The following PDE1C variants were observed in gnomAD, a reference collection of about 807,000 sequenced individuals.
PDE1C encodes the protein phosphodiesterase 1C.
A neutral mutation model predicts 93.1 loss-of-function variants in PDE1C; 62 were observed. The ratio of observed to expected loss-of-function variants is 0.67; its 90% confidence interval spans 0.54 to 0.82. The LOEUF is 0.82. PDE1C is among the 40% of genes least tolerant of loss of function. The pLI is 0.00. For synonymous variants in PDE1C, 325 were observed against 310.1 expected, an observed-to-expected ratio of 1.05 and a Z score of -0.50; for missense variants, 742 against 884.6, an observed-to-expected ratio of 0.84 and a Z score of 2.04.
chr7:31,961,181 C>A (rs1808884837), intron 2 of PDE1C, among the ~76,000 whole-genome samples: 1 of 151,820 alleles, frequency 6.6e-6, no homozygotes, highest in Non-Finnish European at 1.5e-5. Context: ...AAAGAAAAAT[C>A]TTCCAGTAGA....
intron 1 of PDE1C, among the ~76,000 whole-genome samples, chr7:32,395,009 G>A (rs1784817079): frequency 6.6e-6 from 1 of 152,118 alleles, no homozygotes; most frequent in South Asian, 2.1e-4. Flanking sequence ...AGAGTTGTGA[G>A]CCAGATAAAC....
chr7:32,344,223 G>A (rs1783809535), intron 1 of PDE1C, among the ~76,000 whole-genome samples: 1 of 152,082 alleles, frequency 6.6e-6, no homozygotes, highest in Non-Finnish European at 1.5e-5. Context: ...ACAGGCATGT[G>A]CTACCACACC....
chr7:32,201,932 T>C (rs1419425364), intron 2 of PDE1C, among the ~76,000 whole-genome samples: 1 of 152,164 alleles, frequency 6.6e-6, no homozygotes, highest in Non-Finnish European at 1.5e-5. Flanking sequence ...TCGTAGCACA[T>C]CTGAGACTAT....
chr7:31,803,470 T>C lies in PDE1C; in HGVS notation c.1891+5561A>G, dbSNP rs146955724. ...GCACAACGTGCAGGTTTGTTACATA[T>C]GTATACCTGTGCCATGTTGGTGTGC... is the stretch of plus-strand genomic sequence containing the variant. On this transcript the variant is annotated intron_variant, in intron 16 of 17. Coordinates refer to ENST00000396191, the MANE Select transcript of PDE1C (RefSeq NM_001191057.4). Among the ~76,000 whole-genome samples, 133 of 151,950 alleles carry C rather than the reference T, an allele frequency of 8.8e-4. 1 individual carries two copies. The East Asian group carries it at 0.021, about 24-fold the overall frequency.
chr7:31,742,721 T>G, the PDE1C span, among the ~76,000 whole-genome samples: 1 of 152,196 alleles, frequency 6.6e-6, no homozygotes, highest in African/African-American at 2.4e-5. Flanking sequence ...CCAGGAACAT[T>G]TGGAAATTGT....
intron 3 of PDE1C, among the ~76,000 whole-genome samples, chr7:32,130,546 A>G (rs1250366091): frequency 6.6e-6 from 1 of 152,066 alleles, no homozygotes; most frequent in Non-Finnish European, 1.5e-5. Flanking sequence ...ATTTCAGCGT[A>G]ATGAATTCCT....
intron 3 of PDE1C, among the ~76,000 whole-genome samples, chr7:32,084,267 A>G (rs1318010018): frequency 1.3e-5 from 2 of 152,028 alleles, no homozygotes; most frequent in African/African-American, 4.8e-5. Flanking sequence ...GCCATTAGAT[A>G]ATGGTAAAGG....
chr7:31,645,119 G>A, the PDE1C span, among the ~76,000 whole-genome samples: 1 of 152,174 alleles, frequency 6.6e-6, no homozygotes, highest in East Asian at 1.9e-4. Context: ...GACTAAGTGG[G>A]AAGTCCAAAT....
At chr7:31,778,301 T>C (rs920200266) in intron 16 of PDE1C, among the ~76,000 whole-genome samples, 2 of 152,186 alleles carry the variant, frequency 1.3e-5, no homozygotes, top group Non-Finnish European at 2.9e-5. Flanking sequence ...AGAGGGCACA[T>C]CTGTGTCTTT....
At position 31,994,984 on chromosome 7, in the gene PDE1C, C is replaced by CA. The variant is rs200762610; in HGVS notation, c.128+56569dup. Among the ~76,000 whole-genome samples the CA allele has an allele frequency of 5.7e-3, 868 of 151,720 alleles. 6 individuals carry two copies. The highest frequency in any genetic ancestry group is 0.02 in the African/African-American group (830 of 41,386). ...ACAACTTGGGTCCTTAACCATGGAA[C>CA]AAAAAAAACCCATGTGGTCAGGACT... is the stretch of plus-strand genomic sequence containing the variant. On this transcript the variant is annotated intron_variant, in intron 2 of 17. Transcript: ENST00000396191.
rs140916771 is a variant in PDE1C, at chr7:31,873,115, G to A, written c.609+177C>T. Among the ~76,000 whole-genome samples, 11 of 152,240 alleles carry A rather than the reference G, an allele frequency of 7.2e-5. No homozygotes were observed. The East Asian group carries it at 1.4e-3, about 19-fold the overall frequency. On this transcript the variant is annotated intron_variant, in intron 6 of 17. Coordinates refer to ENST00000396191, the MANE Select transcript of PDE1C (RefSeq NM_001191057.4). Reference sequence around the variant, plus strand: ...GCCGCTGAGACCCACCAGCAAGGGCGCAATCAAAATCACCCTCCACAGAGG... The same window carrying A: ...GCCGCTGAGACCCACCAGCAAGGGCACAATCAAAATCACCCTCCACAGAGG...
At chr7:32,335,165 C>A (rs1783595495) in intron 1 of PDE1C, among the ~76,000 whole-genome samples, 1 of 152,186 alleles carries the variant, frequency 6.6e-6, no homozygotes, top group African/African-American at 2.4e-5. Flanking sequence ...TTTTCTCAAA[C>A]AGACTAAAAA....
chr7:31,800,076 C>T (rs573520486), intron 16 of PDE1C, among the ~76,000 whole-genome samples: 1 of 151,656 alleles, frequency 6.6e-6, no homozygotes, highest in East Asian at 2.0e-4. Context: ...TATATCTTCT[C>T]TAGTGAAAAG....
rs941961378 is a variant in PDE1C, at chr7:31,927,634, G to A, written c.129-46774C>T. 1.1e-4 allele frequency among the ~76,000 whole-genome samples: 16 copies of A among 152,266 alleles called. No individual in the cohort carries two copies. The South Asian group carries it at 2.3e-3, about 22-fold the overall frequency. ...CAATCTTTGCTTTTCTGCAGCCTCC[G>A]CTGGTGATACCCAGGCAAACAGGGT... On this transcript the variant is annotated intron_variant, in intron 2 of 17. Coordinates refer to ENST00000396191, the MANE Select transcript of PDE1C (RefSeq NM_001191057.4).
intron 2 of PDE1C, among the ~76,000 whole-genome samples, chr7:31,897,726 A>T (rs1391529632): frequency 6.6e-6 from 1 of 152,178 alleles, no homozygotes; most frequent in Non-Finnish European, 1.5e-5. Context: ...CCAAATCTCA[A>T]GGGTCCTGTT....
Position 32,374,098 on chromosome 7 carries a change from G to GGGAGGGAGGGAA in PDE1C, c.310+53723_310+53724insTTCCCTCCCTCC, listed in dbSNP as rs1299365710. 6.5e-3 allele frequency among the ~76,000 whole-genome samples: 53 copies of GGGAGGGAGGGAA among 8,182 alleles called. No homozygotes were observed. The East Asian group carries it at 0.14, about 22-fold the overall frequency. The allele number at this position is 8,182 out of a possible 152,430, so 5.4% of individuals were successfully genotyped here. On this transcript the variant is annotated intron_variant, in intron 1 of 1. Coordinates refer to the PDE1C transcript ENST00000672256. ...GGAGGAGGGAGGAGGGAGGGAGGGAGGGAGGGAAGGAAGGAAGGAAGGAGA... is the reference window on the plus strand; with the variant it reads ...GGAGGAGGGAGGAGGGAGGGAGGGAGGGAGGGAGGGAAGGAGGGAAGGAAGGAAGGAAGGAGA...
At chr7:31,622,791 AC>A in the PDE1C span, among the ~76,000 whole-genome samples, 4 of 152,082 alleles carry the variant, frequency 2.6e-5, no homozygotes, top group Admixed American at 2.6e-4. Context: ...GACACAAAAA[AC>A]CCTTCAAAAA....
At chr7:32,404,005 A>G (rs1785003186) in intron 1 of PDE1C, among the ~76,000 whole-genome samples, 1 of 152,212 alleles carries the variant, frequency 6.6e-6, no homozygotes, top group Admixed American at 6.5e-5. Context: ...GCACTGTTGC[A>G]TCACATCCTC....
At chr7:32,016,615 C>T (rs1278878027) in intron 2 of PDE1C, among the ~76,000 whole-genome samples, 1 of 151,942 alleles carries the variant, frequency 6.6e-6, no homozygotes, top group East Asian at 1.9e-4. Flanking sequence ...CCTGACTGCC[C>T]AATAACAGTG....
Sources: gnomAD v4.1 joint callset for allele counts (sites outside exome capture counted in the v4.1 genomes callset) on GRCh38, gnomAD v4.1.1 for gene constraint, MANE v1.5 for transcripts, NCBI Gene and HGNC (gene_info 2026-07-23, HGNC 2026-07-21) for gene names.